DYM: variants seen among roughly 807,000 people sequenced by gnomAD.
The protein encoded by DYM is dyggve-Melchior-Clausen syndrome protein.
In DYM, 78 loss-of-function variants were observed where a neutral mutation model predicts 93.1. The observed-to-expected ratio is 0.84, with a 90% CI of 0.70 to 1.01. The LOEUF is 1.01. DYM is among the 50% of genes least tolerant of loss of function. The pLI, the probability that DYM is intolerant of heterozygous loss-of-function variation, is 0.00. For missense variants in DYM, 789 were observed against 845.0 expected, an observed-to-expected ratio of 0.93 and a Z score of 0.82; for synonymous variants, 321 against 319.7, an observed-to-expected ratio of 1.00 and a Z score of -0.04.
intron 13 of DYM, among the ~76,000 whole-genome samples, chr18:49,238,578 C>T (rs552235632): frequency 6.6e-6 from 1 of 151,878 alleles, no homozygotes; most frequent in African/African-American, 2.4e-5. Flanking sequence ...CCTTAGTGTC[C>T]AATAAAATGT....
At chr18:49,085,750 G>C (rs1240682868) in intron 17 of DYM, among the ~76,000 whole-genome samples, 1 of 151,774 alleles carries the variant, frequency 6.6e-6, no homozygotes, top group Non-Finnish European at 1.5e-5. Flanking sequence ...TGGGATTATA[G>C]GCACCTGCCA....
chr18:49,130,130 C>T (rs1432678818), intron 15 of DYM, among the ~76,000 whole-genome samples: 2 of 152,142 alleles, frequency 1.3e-5, no homozygotes, highest in Non-Finnish European at 2.9e-5. Flanking sequence ...CACACAGGGA[C>T]TCTCCAGGAT....
At chr18:49,368,584 A>G (rs2066717381) in intron 5 of DYM, 2 of 152,182 alleles carry the variant, frequency 1.3e-5, no homozygotes, top group Non-Finnish European at 2.9e-5. Flanking sequence ...ACCACATACT[A>G]TACAATTTTG....
chr18:49,317,599 CCCCT>C (rs1358130750), intron 8 of DYM, among the ~76,000 whole-genome samples: 1 of 22,100 alleles, frequency 4.5e-5, no homozygotes, highest in African/African-American at 2.6e-4. Flanking sequence ...CTCTCTCTCC[CCCCT>C]CCCCCCTCCC....
At chr18:49,147,585 T>C (rs1248418170) in intron 15 of DYM, among the ~76,000 whole-genome samples, 6 of 151,936 alleles carry the variant, frequency 3.9e-5, no homozygotes, top group Non-Finnish European at 4.4e-5. Flanking sequence ...AAAAGACACA[T>C]GAAAAAATGC....
chr18:49,443,205 T>A (rs1455822457), intron 1 of DYM, among the ~76,000 whole-genome samples: 2 of 152,224 alleles, frequency 1.3e-5, no homozygotes, highest in African/African-American at 4.8e-5. Context: ...GTGACATGTG[T>A]AAATTATATG....
At chr18:49,371,076 T>C (rs893767870) in intron 5 of DYM, among the ~76,000 whole-genome samples, 5 of 152,154 alleles carry the variant, frequency 3.3e-5, no homozygotes, top group African/African-American at 7.2e-5. Context: ...TGGCAAGGAA[T>C]GGGGCCTGAA....
chr18:49,457,117 G>A (rs1459830887), intron 1 of DYM, among the ~76,000 whole-genome samples: 1 of 152,210 alleles, frequency 6.6e-6, no homozygotes, highest in Non-Finnish European at 1.5e-5. Flanking sequence ...TCCCAGCTGA[G>A]TCACAGAAGA....
At position 49,148,854 on chromosome 18, in the gene DYM, C is replaced by T. The variant is rs530163224; in HGVS notation, c.1728+14831G>A. On this transcript the variant is annotated intron_variant, in intron 15 of 17. Coordinates refer to ENST00000675505, the MANE Select transcript of DYM (RefSeq NM_001353214.3). Reference sequence around the variant, plus strand: ...ATTTTATTAGAGTAGCACCAGGGACCGTTTCATGGAAGACGATTTTTCCAC... The same window carrying T: ...ATTTTATTAGAGTAGCACCAGGGACTGTTTCATGGAAGACGATTTTTCCAC... 7.9e-5 allele frequency among the ~76,000 whole-genome samples: 12 copies of T among 152,266 alleles called. No individual in the cohort carries two copies. In the South Asian group the frequency reaches 2.1e-3, roughly 26 times the overall value.
At chr18:49,261,916 C>A (rs989882905) in intron 11 of DYM, among the ~76,000 whole-genome samples, 5 of 152,018 alleles carry the variant, frequency 3.3e-5, no homozygotes, top group African/African-American at 9.7e-5. Context: ...TATGTACCTA[C>A]ATATATATGT....
At chr18:49,121,911 A>C (rs1419831476) in intron 15 of DYM, among the ~76,000 whole-genome samples, 1 of 152,252 alleles carries the variant, frequency 6.6e-6, no homozygotes, top group Non-Finnish European at 1.5e-5. Flanking sequence ...CAAAATATTA[A>C]AGGTATTTCT....
At chr18:49,422,262 T>G (rs201883134) in intron 2 of DYM, among the ~76,000 whole-genome samples, 1 of 152,088 alleles carries the variant, frequency 6.6e-6, no homozygotes, top group African/African-American at 2.4e-5. Flanking sequence ...AGAGAAAGGT[T>G]GGGTTACCCA....
intron 17 of DYM, among the ~76,000 whole-genome samples, chr18:49,088,637 G>A (rs960820469): frequency 6.6e-6 from 1 of 151,588 alleles, no homozygotes; most frequent in Non-Finnish European, 1.5e-5. Flanking sequence ...CATTTCAAAG[G>A]TTACTCTACA....
chr18:49,209,065 C>T (rs553069891), intron 14 of DYM, among the ~76,000 whole-genome samples: 1 of 152,244 alleles, frequency 6.6e-6, no homozygotes, highest in South Asian at 2.1e-4. Context: ...AAAATGAGTA[C>T]AAAATACAAA....
chr18:49,281,321 G>A (rs1227111374), intron 10 of DYM, among the ~76,000 whole-genome samples: 1 of 152,196 alleles, frequency 6.6e-6, no homozygotes, highest in Non-Finnish European at 1.5e-5. Flanking sequence ...TGGAGAGGAT[G>A]TGGAGAAATA....
At chr18:49,362,350 G>C (rs1333135929) in intron 6 of DYM, among the ~76,000 whole-genome samples, 1 of 152,094 alleles carries the variant, frequency 6.6e-6, no homozygotes, top group Non-Finnish European at 1.5e-5. Context: ...ATTTTTAAAA[G>C]CAACAAATGA....
chr18:49,103,048 C>T (rs2080354149), intron 16 of DYM, among the ~76,000 whole-genome samples: 1 of 152,176 alleles, frequency 6.6e-6, no homozygotes, highest in African/African-American at 2.4e-5. Context: ...TAAGAGTGTT[C>T]CTATTTCTCC....
intron 2 of DYM, among the ~76,000 whole-genome samples, chr18:49,415,342 A>AAAAAAT (rs1555734876): frequency 4.5e-4 from 65 of 144,300 alleles, no homozygotes; most frequent in African/African-American, 1.6e-3. Context: ...AAAAAAAAAA[A>AAAAAAT]TTAAAAAAAT....
At chr18:49,211,531 T>C (rs749281752) in intron 13 of DYM, among the ~76,000 whole-genome samples, 7 of 152,206 alleles carry the variant, frequency 4.6e-5, no homozygotes, top group African/African-American at 7.2e-5. Context: ...TTAAAGTATG[T>C]TGAACTCAAA....
Sources: gnomAD v4.1 joint callset for allele counts (sites outside exome capture counted in the v4.1 genomes callset) on GRCh38, gnomAD v4.1.1 for gene constraint, MANE v1.5 for transcripts, NCBI Gene and HGNC (gene_info 2026-07-23, HGNC 2026-07-21) for gene names.